The following CACNA1F variants were observed in gnomAD, a reference collection of about 807,000 sequenced individuals.
CACNA1F encodes calcium voltage-gated channel subunit alpha1 F, also known as voltage-dependent L-type calcium channel subunit alpha-1F.
In CACNA1F, 59 loss-of-function variants were observed where a neutral mutation model predicts 143.8. The observed-to-expected ratio is 0.41, with a 90% CI of 0.33 to 0.51. CACNA1F has a LOEUF of 0.51. Among genes scored for constraint, CACNA1F ranks in the 20% least tolerant of loss-of-function variants. CACNA1F has a pLI of 0.22. For missense variants in CACNA1F, 1,411 were observed against 1,647.5 expected (o/e 0.86, Z 2.48); for synonymous variants, 643 against 649.1 (o/e 0.99, Z 0.14).
intron 24 of CACNA1F, 126 bp downstream of exon 24, chrX:49,218,329 G>T: frequency 1.9e-6 from 1 of 537,110 alleles, no homozygotes; most frequent in Non-Finnish European, 3.1e-6. Flanking sequence ...TCAGAGATGT[G>T]TATTTATGTG....
Position 49,224,798 on chromosome X carries a change from G to C in CACNA1F, c.1840C>G (p.Arg614Gly). 2 of 1,190,527 alleles carry C rather than the reference G, an allele frequency of 1.7e-6. No homozygotes were observed. The highest frequency in any genetic ancestry group is 2.3e-6 in the Non-Finnish European group (2 of 883,486). The stretch of plus-strand genomic sequence containing the variant: ...AAGATCCTGAGGAGGCGCACACATC[G>C]GAGCACTGAGATGCCCAAGGGCTGC... ...AMQPLGISVL[R>G]CVRLLRIFKV... Residue 614 changes from arginine to glycine, a missense_variant, in exon 14 of 48, where the codon CGA (arginine) becomes GGA (glycine). Around this residue, in one of 3 missense-constraint regions of CACNA1F, gnomAD observed 950 missense variants for 1,128.1 expected, o/e 0.84. Transcript: ENST00000323022.
At chrX:49,209,552 C>T in intron 41 of CACNA1F, 77 bp downstream of exon 41, 1 of 1,179,685 alleles carries the variant, frequency 8.5e-7, no homozygotes, top group Admixed American at 2.3e-5. Context: ...ATGGGTTTCA[C>T]AAGATCAAAA....
At position 49,205,173 on chromosome X, in the gene CACNA1F, GTCC is replaced by G. The variant is rs2065579295; in HGVS notation, c.5862_5864del (p.Glu1954del). ...GGACGCAGGCCATCTCGTCTCCCAA[GTCC>G]TCCTCATCGAAGCGGGAGAGGATGG... On this transcript the variant is annotated inframe_deletion, in exon 48 of 48. Transcript: ENST00000323022. The G allele has an allele frequency of 1.7e-6, 2 of 1,210,711 alleles. No individual in the cohort carries two copies. Among genetic ancestry groups the G allele is most frequent in the Non-Finnish European group, 2.2e-6 (2 of 894,562 alleles).
chrX:49,213,389 T>G (rs1388620044), intron 31 of CACNA1F, among the ~76,000 whole-genome samples: 2 of 111,233 alleles, frequency 1.8e-5, no homozygotes, highest in Non-Finnish European at 3.8e-5. Context: ...ATGGAGCCAA[T>G]GATATAGTCA....
At chrX:49,209,491 G>A in intron 41 of CACNA1F, 98 bp from the exon 42 acceptor site, 1 of 1,114,405 alleles carries the variant, frequency 9.0e-7, no homozygotes, top group Non-Finnish European at 1.2e-6. Context: ...GAGTCCTTCA[G>A]CCACCCTGGC....
At position 49,205,811 on chromosome X, in the gene CACNA1F, A is replaced by G. The variant is rs2065589691; in HGVS notation, c.5475T>C (p.Gly1825=). The change falls in exon 47 of 48, where the codon GGT becomes GGC. Residue 1825 remains glycine, a splice_region_variant and synonymous_variant. Coordinates refer to ENST00000323022, the MANE Select transcript of CACNA1F (RefSeq NM_001256789.3). The part of the protein sequence containing the change: ...GRNSGPNRAQ[G]SWATPPQRGR... Reference sequence around the variant, plus strand: ...CCCGCTGAGGTGGTGTTGCCCAGGAACCCTGAGCCAGAATAAACATCAGAG... The same window carrying G: ...CCCGCTGAGGTGGTGTTGCCCAGGAGCCCTGAGCCAGAATAAACATCAGAG... 8.4e-7 allele frequency: 1 copy of G among 1,195,320 alleles called. No homozygotes were observed. The highest frequency in any genetic ancestry group is 1.8e-5 in the South Asian group (1 of 54,571).
chrX:49,205,773 T>C lies in CACNA1F; in HGVS notation c.5513A>G (p.Tyr1838Cys). The change falls in exon 47 of 48, where the codon TAT (tyrosine) becomes TGT (cysteine). Residue 1838 changes from tyrosine to cysteine, a missense_variant. Around this residue, in one of 3 missense-constraint regions of CACNA1F, gnomAD observed 349 missense variants for 350.2 expected, o/e 1.00. Coordinates refer to ENST00000323022, the MANE Select transcript of CACNA1F (RefSeq NM_001256789.3). ...ATPPQRGRLL[Y>C]APLLLVEEGA... ...CTCTTCCACCAACAACAGCGGGGCA[T>C]ACAGGAGCCGACCCCGCTGAGGTGG... 1 of 1,204,586 alleles carries C rather than the reference T, an allele frequency of 8.3e-7. No homozygotes were observed. The highest frequency in any genetic ancestry group is 1.1e-6 in the Non-Finnish European group (1 of 892,088).
Position 49,231,241 on chromosome X carries a change from G to T in CACNA1F, c.342C>A (p.Pro114=). The part of the protein sequence containing the change: ...ANCVALGVYI[P]FPEDDSNTAN... ...CAGTGTTGGAGTCGTCCTCAGGGAA[G>T]GGGATGTAAACTCCCAGGGCCACGC... The change falls in exon 3 of 48, where the codon CCC becomes CCA. Residue 114 remains proline (P), a synonymous_variant. Coordinates refer to ENST00000323022, the MANE Select transcript of CACNA1F (RefSeq NM_001256789.3). 8.6e-7 allele frequency: 1 copy of T among 1,166,270 alleles called. No homozygotes were observed. The highest frequency in any genetic ancestry group is 1.1e-6 in the Non-Finnish European group (1 of 871,235).
intron 25 of CACNA1F, 42 bp downstream of exon 25, chrX:49,217,856 G>T (rs200036184): frequency 1.7e-6 from 2 of 1,189,084 alleles, no homozygotes; most frequent in South Asian, 3.5e-5. Context: ...TCACACTCCC[G>T]CCCAGACCCC....
At chrX:49,207,206 A>G (rs908098256) in intron 43 of CACNA1F, 94 bp from the exon 44 acceptor site, 13 of 539,034 alleles carry the variant, frequency 2.4e-5, no homozygotes, top group Non-Finnish European at 4.2e-5. Flanking sequence ...ACCCTTACAG[A>G]AACACTGGGC....
chrX:49,211,179 G>T, intron 36 of CACNA1F, 87 bp from the exon 37 acceptor site: 1 of 1,108,597 alleles, frequency 9.0e-7, no homozygotes, highest in South Asian at 1.9e-5. Flanking sequence ...GGGCTTATAT[G>T]GTCATGAGTC....
rs782272831 is a variant in CACNA1F, at chrX:49,230,468, C to T, written c.663G>A (p.Pro221=). 1 of 1,209,340 alleles carries T rather than the reference C, an allele frequency of 8.3e-7. No individual in the cohort carries two copies. The highest frequency in any genetic ancestry group is 1.8e-5 in the South Asian group (1 of 56,404). Reference sequence around the variant, plus strand: ...GACCTCGGGGGATGTGCCACTCACTCGGGACCCCAGACACCAGCCTCAGTG... The same window carrying T: ...GACCTCGGGGGATGTGCCACTCACTTGGGACCCCAGACACCAGCCTCAGTG... ...LRPLRLVSGV[P]SLHIVLNSIM... The change falls in exon 5 of 48, where the codon CCG becomes CCA. Residue 221 remains proline, a splice_region_variant and synonymous_variant. Coordinates refer to ENST00000323022, the MANE Select transcript of CACNA1F (RefSeq NM_001256789.3).
At position 49,212,706 on chromosome X, in the gene CACNA1F, C is replaced by A; in HGVS notation, c.3903G>T (p.Gly1301=). 7.4e-6 allele frequency: 9 copies of A among 1,208,557 alleles called. No homozygotes were observed. The highest frequency in any genetic ancestry group is 1.0e-5 in the Non-Finnish European group (9 of 893,524). Residue 1301 remains glycine, a synonymous_variant, in exon 33 of 48, where the codon GGG becomes GGT. Coordinates refer to ENST00000323022, the MANE Select transcript of CACNA1F (RefSeq NM_001256789.3). ...RLVKLLSKGE[G]IRTLLWTFIK... is the part of the protein sequence containing the mutation. ...TGAATGTCCAGAGCAATGTGCGGAT[C>A]CCTTCACCCTTACTGAGAAGCTTGA...
intron 8 of CACNA1F, among the ~76,000 whole-genome samples, 162 bp downstream of exon 8, chrX:49,227,874 T>C (rs1275204501): frequency 1.8e-5 from 2 of 112,396 alleles, no homozygotes; most frequent in African/African-American, 6.5e-5. Flanking sequence ...GATTTTTGTC[T>C]TTTGTTCCAC....
intron 43 of CACNA1F, among the ~76,000 whole-genome samples, 167 bp from the exon 44 acceptor site, chrX:49,207,279 C>CT (rs1557105168): frequency 1.8e-5 from 2 of 111,106 alleles, no homozygotes; most frequent in African/African-American, 6.6e-5. Flanking sequence ...TTAAAGTGAC[C>CT]ATGGGCTTTT....
rs373168997 is a variant in CACNA1F, at chrX:49,216,332, G to A, written c.3236+50C>T. Reference sequence around the variant, plus strand: ...TCCCAGGAGATCCCAACCCAATCCTGCAGAGACCCCTGCCTCATCCCCTGA... The same window carrying A: ...TCCCAGGAGATCCCAACCCAATCCTACAGAGACCCCTGCCTCATCCCCTGA... On this transcript the variant is annotated intron_variant, in intron 27 of 47. Coordinates refer to ENST00000323022, the MANE Select transcript of CACNA1F (RefSeq NM_001256789.3). 4 of 1,183,697 alleles carry A rather than the reference G, an allele frequency of 3.4e-6. No homozygotes were observed. The African/African-American group carries it at 5.2e-5, about 15-fold the overall frequency.
In CACNA1F at chrX:49,230,626, G is replaced by A. The variant is rs1557111121; in HGVS notation, c.522-17C>T. 1 of 1,158,441 alleles carries A rather than the reference G, an allele frequency of 8.6e-7. No individual in the cohort carries two copies. The highest frequency in any genetic ancestry group is 1.2e-6 in the Non-Finnish European group (1 of 866,746). ...CTGAACAGCCTGATGGGGGAGCACC[G>A]GGCAGGGAGGCGGAGGTCAGGCCTT... On this transcript the variant is annotated splice_polypyrimidine_tract_variant and intron_variant, in intron 4 of 47. Coordinates refer to ENST00000323022, the MANE Select transcript of CACNA1F (RefSeq NM_001256789.3).
In CACNA1F at chrX:49,225,668, T is replaced by C. The variant is rs58793970; in HGVS notation, c.1651+241A>G. On this transcript the variant is annotated intron_variant, in intron 13 of 47. Coordinates refer to ENST00000323022, the MANE Select transcript of CACNA1F (RefSeq NM_001256789.3). ...TTAGTATTTAATTCGCATAAGGTTGTGGTGAAGAAATTGTCAGTACACATA... is the reference window on the plus strand; with the variant it reads ...TTAGTATTTAATTCGCATAAGGTTGCGGTGAAGAAATTGTCAGTACACATA... 0.09 allele frequency among the ~76,000 whole-genome samples: 9,996 copies of C among 110,922 alleles called. 1,173 individuals are homozygous for C. The highest frequency in any genetic ancestry group is 0.31 in the African/African-American group (9,453 of 30,286).
intron 14 of CACNA1F, 94 bp downstream of exon 14, chrX:49,224,667 G>T (rs2147916349): frequency 3.4e-6 from 2 of 596,587 alleles, no homozygotes; most frequent in African/African-American, 2.2e-5. Flanking sequence ...TCTGCTCAAT[G>T]AATGGTGAAG....
Sources: gnomAD v4.1 joint callset for allele counts (sites outside exome capture counted in the v4.1 genomes callset) on GRCh38, gnomAD v4.1.1 for gene constraint, gnomAD v4.1.1 regional missense constraint, MANE v1.5 for transcripts, NCBI Gene and HGNC (gene_info 2026-07-23, HGNC 2026-07-21) for gene names.